Variants in TMEM131L observed in about 807,000 individuals in gnomAD.
TMEM131L encodes the protein transmembrane 131 like, also known as transmembrane protein 131-like.
TMEM131L carries 54 observed loss-of-function variants against 192.2 expected under a neutral mutation model. The ratio of observed to expected loss-of-function variants is 0.28; its 90% confidence interval spans 0.23 to 0.35. The LOEUF is 0.35. Ranked by LOEUF, TMEM131L falls within the 10% of genes least tolerant of loss-of-function variation. The pLI is 1.00. For missense variants in TMEM131L, 1,888 were observed against 1,972.9 expected (o/e 0.96, Z 0.82); for synonymous variants, 701 against 704.9 (o/e 0.99, Z 0.09).
chr4:153,616,190 A>G (rs888087452), intron 26 of TMEM131L, among the ~76,000 whole-genome samples: 2 of 152,146 alleles, frequency 1.3e-5, no homozygotes, highest in African/African-American at 4.8e-5. Context: ...CATAGGCTGT[A>G]CTTTGTGGCC....
intron 3 of TMEM131L, among the ~76,000 whole-genome samples, chr4:153,515,580 TG>T (rs1437272497): frequency 6.6e-6 from 1 of 152,228 alleles, no homozygotes; most frequent in Non-Finnish European, 1.5e-5. Context: ...TCAATTCTAT[TG>T]GTTATATATC....
chr4:153,597,530 G>A (rs1731528183), intron 20 of TMEM131L, among the ~76,000 whole-genome samples: 1 of 152,112 alleles, frequency 6.6e-6, no homozygotes, highest in South Asian at 2.1e-4. Context: ...AAGATGTAAA[G>A]CTATTTCAGT....
At chr4:153,548,545 T>C (rs965138478) in intron 3 of TMEM131L, among the ~76,000 whole-genome samples, 3 of 152,194 alleles carry the variant, frequency 2.0e-5, no homozygotes, top group Non-Finnish European at 2.9e-5. Context: ...CCTTGTGATC[T>C]GTCCGCCTCA....
intron 7 of TMEM131L, among the ~76,000 whole-genome samples, chr4:153,561,798 T>C (rs1728860784): frequency 6.6e-6 from 1 of 152,194 alleles, no homozygotes; most frequent in Admixed American, 6.5e-5. Context: ...AAAATAGTTA[T>C]TGAACATTAT....
intron 34 of TMEM131L, 150 bp downstream of exon 34, chr4:153,635,721 G>C: frequency 1.2e-6 from 1 of 840,176 alleles, no homozygotes; most frequent in Non-Finnish European, 1.8e-6. Flanking sequence ...AGCCAGGGCT[G>C]GCCACCCTCT....
intron 3 of TMEM131L, among the ~76,000 whole-genome samples, chr4:153,487,502 A>G (rs1230203624): frequency 2.0e-5 from 3 of 152,186 alleles, no homozygotes; most frequent in Non-Finnish European, 4.4e-5. Flanking sequence ...ATTGCAGGTC[A>G]GCTTCCAGGG....
intron 3 of TMEM131L, among the ~76,000 whole-genome samples, chr4:153,506,946 C>T (rs573774327): frequency 6.6e-6 from 1 of 151,904 alleles, no homozygotes; most frequent in East Asian, 1.9e-4. Flanking sequence ...GGAATAAAAA[C>T]CTCCCCTGTA....
rs186196109 is a variant in TMEM131L at position 153,471,734 on chromosome 4, G to C, written c.196-2111G>C. Among the ~76,000 whole-genome samples, 658 of 152,256 alleles carry C rather than the reference G, an allele frequency of 4.3e-3. 7 individuals carry two copies. The highest frequency in any genetic ancestry group is 0.015 in the African/African-American group (603 of 41,540). On this transcript the variant is annotated intron_variant, in intron 2 of 34. Transcript: ENST00000409959. The stretch of plus-strand genomic sequence containing the variant: ...CGTTACCTGATACAGAATCATGTTG[G>C]TGCTAGGCAGGGCTGGGCAGGCTCA...
chr4:153,531,851 C>A (rs976731683), intron 3 of TMEM131L, among the ~76,000 whole-genome samples: 2 of 152,182 alleles, frequency 1.3e-5, no homozygotes, highest in African/African-American at 4.8e-5. Flanking sequence ...GATCACATGT[C>A]TGGTGTAAGC....
intron 3 of TMEM131L, among the ~76,000 whole-genome samples, chr4:153,522,551 C>T (rs1424931835): frequency 6.6e-6 from 1 of 152,118 alleles, no homozygotes; most frequent in Non-Finnish European, 1.5e-5. Flanking sequence ...GCTATTTCTG[C>T]CAGAACGCTT....
rs537793468 is a variant in TMEM131L, at chr4:153,553,651, C to G, written c.309-2136C>G. ...CTATGGTTTATTTTGATGTTGGCCT[C>G]GAGCAAATCCCAACCCTCTTCATAG... On this transcript the variant is annotated intron_variant, in intron 4 of 34. Coordinates refer to ENST00000409959, the MANE Select transcript of TMEM131L (RefSeq NM_001131007.2). Among the ~76,000 whole-genome samples, 92 of 152,218 alleles carry G rather than the reference C, an allele frequency of 6.0e-4. 1 individual carries two copies. The highest frequency in any genetic ancestry group is 1.9e-3 in the African/African-American group (78 of 41,526).
intron 3 of TMEM131L, among the ~76,000 whole-genome samples, chr4:153,513,577 A>G (rs1474078911): frequency 1.3e-5 from 2 of 152,186 alleles, no homozygotes; most frequent in Non-Finnish European, 2.9e-5. Context: ...ATATTTAATA[A>G]TAAATGTAAT....
rs1480360930 is a variant in TMEM131L, at chr4:153,467,263, A to G, written c.177A>G (p.Glu59=). ...VVELWQAEEG[E]LLLPTQGDSE... ...AGCTGTGGCAGGCAGAAGAAGGGGA[A>G]CTCCTGCTGCCCACTCAGGTGAGGA... Residue 59 remains glutamate, a synonymous_variant, in exon 2 of 35, where the codon GAA becomes GAG. Transcript: ENST00000409959. 3 of 1,551,174 alleles carry G rather than the reference A, an allele frequency of 1.9e-6. No homozygotes were observed. The highest frequency in any genetic ancestry group is 2.4e-5 in the East Asian group (1 of 40,894).
rs1372312380 is a variant in TMEM131L at position 153,583,795 on chromosome 4, A to G, written c.1060+123A>G. 1.1e-5 allele frequency: 7 copies of G among 638,864 alleles called. No homozygotes were observed. The Admixed American group carries it at 2.2e-4, about 20-fold the overall frequency. The allele number at this position is 638,864 out of a possible 1,614,324, so 39.6% of individuals were successfully genotyped here. A position where few individuals can be genotyped will look rare whatever the true frequency, so the allele number is the denominator to read the frequency against. On this transcript the variant is annotated intron_variant, in intron 11 of 34. Transcript: ENST00000409959. ...AGTGAAGGGAATGCGTTTGATTTCA[A>G]GAAGTCCCAGCCTTAGTAGTTCTAA...
intron 26 of TMEM131L, among the ~76,000 whole-genome samples, chr4:153,613,296 A>T (rs1375508364): frequency 1.3e-5 from 2 of 152,226 alleles, no homozygotes; most frequent in Admixed American, 6.5e-5. Context: ...TGAAGACTAA[A>T]AATTTGGCAA....
In TMEM131L at chr4:153,635,474, T is replaced by A; in HGVS notation, c.4460T>A (p.Val1487Asp). The stretch of plus-strand genomic sequence containing the variant: ...AATGGCTTCCCCTGTCCTGCAGATG[T>A]TCAGACAGACTTTATTGATCACAAC... ...YANGFPCPAD[V>D]QTDFIDHNSQ... Residue 1487 changes from valine (V) to aspartate (D), a missense_variant, in exon 34 of 35, where the codon GTT becomes GAT. Transcript: ENST00000409959. 1 of 1,613,996 alleles carries A rather than the reference T, an allele frequency of 6.2e-7. No individual in the cohort carries two copies. Among genetic ancestry groups the A allele is most frequent in the Non-Finnish European group, 8.5e-7 (1 of 1,179,824 alleles).
chr4:153,569,301 A>G (rs1729426948), intron 7 of TMEM131L, among the ~76,000 whole-genome samples: 1 of 151,852 alleles, frequency 6.6e-6, no homozygotes, highest in East Asian at 1.9e-4. Context: ...CTGAGAGCCA[A>G]CCCCTCCCCT....
intron 3 of TMEM131L, among the ~76,000 whole-genome samples, chr4:153,502,065 C>T (rs752549592): frequency 7.9e-5 from 12 of 151,542 alleles, no homozygotes; most frequent in Non-Finnish European, 1.8e-4. Context: ...GATCCTTCCA[C>T]CTCAGACTCA....
Position 153,612,364 on chromosome 4 carries a change from C to A in TMEM131L, c.3531C>A (p.Asp1177Glu), listed in dbSNP as rs561263117. ...EKKIHKTSRE[D>E]MFSEKQDIPF... ...AGATTCACAAAACATCTAGAGAAGACATGTTTTCTGAGAAACAGGACATAC... is the reference window on the plus strand; with the variant it reads ...AGATTCACAAAACATCTAGAGAAGAAATGTTTTCTGAGAAACAGGACATAC... Residue 1177 changes from aspartate to glutamate, a missense_variant, in exon 26 of 35, where the codon GAC becomes GAA. Coordinates refer to ENST00000409959, the MANE Select transcript of TMEM131L (RefSeq NM_001131007.2). The A allele has an allele frequency of 6.3e-7, 1 of 1,595,890 alleles. No homozygotes were observed. Among genetic ancestry groups the A allele is most frequent in the East Asian group, 2.3e-5 (1 of 44,348 alleles).
Sources: gnomAD v4.1 joint callset for allele counts (sites outside exome capture counted in the v4.1 genomes callset) on GRCh38, gnomAD v4.1.1 for gene constraint, MANE v1.5 for transcripts, NCBI Gene and HGNC (gene_info 2026-07-23, HGNC 2026-07-21) for gene names.